DDR1: variants seen among roughly 807,000 people sequenced by gnomAD.
The protein encoded by DDR1 is discoidin domain receptor tyrosine kinase 1.
Under a neutral mutation model 97.4 loss-of-function variants are expected in DDR1, and 64 were observed. The ratio of observed to expected loss-of-function variants is 0.66; its 90% CI spans 0.54 to 0.81. DDR1 has a LOEUF of 0.81. Ranked by LOEUF, DDR1 falls within the 30% of genes least tolerant of loss-of-function variation. DDR1 has a pLI of 0.00. For missense variants in DDR1, 990 were observed against 1,259.6 expected (o/e 0.79, Z 3.24); for synonymous variants, 458 against 503.7 (o/e 0.91, Z 1.21).
At chr6:30,898,461 T>C (rs922531819) in intron 16 of DDR1, among the ~76,000 whole-genome samples, 154 bp downstream of exon 16, 1 of 152,092 alleles carries the variant, frequency 6.6e-6, no homozygotes, top group Non-Finnish European at 1.5e-5. Context: ...CCCAAGGGAC[T>C]GGGGAAAGCA....
chr6:30,888,565 A>T lies in DDR1; in HGVS notation c.-42-123A>T. On this transcript the variant is annotated intron_variant, in intron 1 of 17. Transcript: ENST00000376568. The surrounding 1 kb of genome is among the most constrained non-coding windows in gnomAD (Gnocchi z 4.2). ...TTCTAAAAATATAGCTGATGCTGTT[A>T]AACAATGACTGTTGTTGTTGTTTTA... is the stretch of plus-strand genomic sequence containing the variant. 1 of 1,140,828 alleles carries T rather than the reference A, an allele frequency of 8.8e-7. No individual in the cohort carries two copies. The highest frequency in any genetic ancestry group is 1.2e-6 in the Non-Finnish European group (1 of 818,110). The allele number at this position is 1,140,828 out of a possible 1,614,324, so 70.7% of individuals were successfully genotyped here. A position where few individuals can be genotyped will look rare whatever the true frequency, so the allele number is the denominator to read the frequency against.
chr6:30,898,979 T>C lies in DDR1; in HGVS notation c.2543T>C (p.Leu848Pro). The part of the protein sequence containing the change: ...MLCRAQPFGQ[L>P]TDEQVIENAG... ...TGTAGGGCCCAGCCCTTTGGGCAGC[T>C]CACCGACGAGCAGGTCATCGAGAAC... The change falls in exon 17 of 18, where the codon CTC becomes CCC. Residue 848 changes from leucine (L) to proline (P), a missense_variant. Leu to Pro is a moderately conservative substitution (Grantham distance 98). Transcript: ENST00000376568. 1 of 1,614,088 alleles carries C rather than the reference T, an allele frequency of 6.2e-7. No homozygotes were observed. Among genetic ancestry groups the C allele is most frequent in the South Asian group, 1.1e-5 (1 of 91,074 alleles).
At chr6:30,885,537 G>A in intron 1 of DDR1, 1 of 1,357,990 alleles carries the variant, frequency 7.4e-7, no homozygotes, top group Non-Finnish European at 9.7e-7. Flanking sequence ...GTTCTCTGGG[G>A]ATCCTGTGCC....
At position 30,888,719 on chromosome 6, in the gene DDR1, G is replaced by A; in HGVS notation, c.-11G>A. 1 of 1,612,734 alleles carries A rather than the reference G, an allele frequency of 6.2e-7. No individual in the cohort carries two copies. The highest frequency in any genetic ancestry group is 2.2e-5 in the East Asian group (1 of 44,874). ...TGCCCCCACCCCCTTAGGCCCGAGG[G>A]ATCAGGAGCTATGGGACCAGAGGCC... On this transcript the variant is annotated 5_prime_UTR_variant, in exon 2 of 18. Transcript: ENST00000376568. This position sits in a 1 kb window ranked among gnomAD's most constrained non-coding sequence, Gnocchi z 4.2.
At chr6:30,895,355 C>A in intron 11 of DDR1, 49 bp from the exon 12 acceptor site, 1 of 1,450,320 alleles carries the variant, frequency 6.9e-7, no homozygotes, top group Non-Finnish European at 9.6e-7. Flanking sequence ...TCTGTCTAGC[C>A]TTGAGTCTCA....
In DDR1 at chr6:30,900,092, C is replaced by G. The variant is rs764207346; in HGVS notation, c.*796C>G. ...CAGATTTTTACACTAATATATGGAC[C>G]TAGCTTGAGGCAATTTTAATCCCCT... is the stretch of plus-strand genomic sequence containing the variant. On this transcript the variant is annotated 3_prime_UTR_variant, in exon 18 of 18. Transcript: ENST00000376568. 1.5e-4 allele frequency: 91 copies of G among 596,302 alleles called. No homozygotes were observed. Among genetic ancestry groups the G allele is most frequent in the Non-Finnish European group, 2.7e-4 (82 of 307,776 alleles). 36.9% of individuals were successfully genotyped at this position (596,302 alleles called of 1,614,324 possible). A position where few individuals can be genotyped will look rare whatever the true frequency, so the allele number is the denominator to read the frequency against.
upstream of DDR1, chr6:30,883,441 C>G (rs1784636458): frequency 6.5e-6 from 1 of 152,778 alleles, no homozygotes; most frequent in African/African-American, 2.4e-5. This position sits in a 1 kb window ranked among gnomAD's most constrained non-coding sequence, Gnocchi z 4.9. Context: ...CCCAGTAGCT[C>G]TCTCAGTTGC....
At position 30,890,636 on chromosome 6, in the gene DDR1, C is replaced by A; in HGVS notation, c.418-337C>A. The A allele has an allele frequency of 3.6e-6, 1 of 279,894 alleles. No homozygotes were observed. The highest frequency in any genetic ancestry group is 6.6e-6 in the Non-Finnish European group (1 of 151,644). The allele number at this position is 279,894 out of a possible 1,614,324, so 17.3% of individuals were successfully genotyped here. On this transcript the variant is annotated intron_variant, in intron 4 of 17. Coordinates refer to ENST00000376568, the MANE Select transcript of DDR1 (RefSeq NM_001297654.2). The surrounding 1 kb of genome is among the most constrained non-coding windows in gnomAD (Gnocchi z 5.0). ...GGAATGGGCTGAAATGAAGGGGAAG[C>A]TGAGGCAGGGGTGCAGGGCTGTGAG...
At position 30,884,909 on chromosome 6, in the gene DDR1, T is replaced by C; in HGVS notation, c.-43+199T>C. ...CTGAAAACCGGGGGCGGGGACTGGG[T>C]GGAGGTGAAGCCCGTGACCTCCCAG... On this transcript the variant is annotated intron_variant, in intron 1 of 17. Transcript: ENST00000376568. This position sits in a 1 kb window ranked among gnomAD's most constrained non-coding sequence, Gnocchi z 6.1. 2.5e-6 allele frequency: 1 copy of C among 399,180 alleles called. No individual in the cohort carries two copies. The highest frequency in any genetic ancestry group is 4.5e-6 in the Non-Finnish European group (1 of 222,620). The allele number at this position is 399,180 out of a possible 1,614,324, so 24.7% of individuals were successfully genotyped here.
At chr6:30,883,549 G>A, upstream of DDR1, 1 of 153,824 alleles carries the variant, frequency 6.5e-6, no homozygotes, top group Non-Finnish European at 1.4e-5. The surrounding 1 kb of genome is among the most constrained non-coding windows in gnomAD (Gnocchi z 4.9). Context: ...TCCTTCTCCT[G>A]CTCCTCTTCT....
Position 30,889,275 on chromosome 6 carries a change from C to G in DDR1, c.262C>G (p.Gln88Glu), listed in dbSNP as rs1787079670. ...SVFPKEEEYL[Q>E]VDLQRLHLVA... ...GTTTCCCAAGGAGGAGGAGTACTTG[C>G]AGGTGGATCTACAACGACTGCACCT... Residue 88 changes from glutamine (Q) to glutamate (E), a missense_variant, in exon 4 of 18, where the codon CAG (glutamine) becomes GAG (glutamate). Coordinates refer to ENST00000376568, the MANE Select transcript of DDR1 (RefSeq NM_001297654.2). The surrounding 1 kb of genome is among the most constrained non-coding windows in gnomAD (Gnocchi z 4.9). 1 of 1,612,888 alleles carries G rather than the reference C, an allele frequency of 6.2e-7. No homozygotes were observed. The highest frequency in any genetic ancestry group is 8.5e-7 in the Non-Finnish European group (1 of 1,180,010).
At position 30,894,804 on chromosome 6, in the gene DDR1, G is replaced by C; in HGVS notation, c.1513+133G>C. 2 of 1,004,790 alleles carry C rather than the reference G, an allele frequency of 2.0e-6. No homozygotes were observed. The highest frequency in any genetic ancestry group is 1.8e-5 in the South Asian group (1 of 55,944). The allele number at this position is 1,004,790 out of a possible 1,614,324, so 62.2% of individuals were successfully genotyped here. On this transcript the variant is annotated intron_variant, in intron 11 of 17. Coordinates refer to ENST00000376568, the MANE Select transcript of DDR1 (RefSeq NM_001297654.2). This position sits in a 1 kb window ranked among gnomAD's most constrained non-coding sequence, Gnocchi z 5.7. The stretch of plus-strand genomic sequence containing the variant: ...TCTTCTTTCTGTGCCCCTGGTTACT[G>C]TCTATATCACTCTTTGTCCCTACCA...
At chr6:30,892,857 C>T in intron 8 of DDR1, 1 of 596,548 alleles carries the variant, frequency 1.7e-6, no homozygotes, top group Non-Finnish European at 2.9e-6. Context: ...GATACCTGTC[C>T]TCCACCTCCC....
rs369820918 is a variant in DDR1, at chr6:30,899,644, T to C, written c.*348T>C. The C allele has an allele frequency of 2.7e-3, 1,062 of 395,058 alleles. 23 individuals carry two copies. The South Asian group carries it at 0.033, about 12-fold the overall frequency. The allele number at this position is 395,058 out of a possible 1,614,324, so 24.5% of individuals were successfully genotyped here. Reference sequence around the variant, plus strand: ...ACTGGACATGGCCCATTGGAGCACCTGGGCCCCACTGGACAACACTGATTC... The same window carrying C: ...ACTGGACATGGCCCATTGGAGCACCCGGGCCCCACTGGACAACACTGATTC... On this transcript the variant is annotated 3_prime_UTR_variant, in exon 18 of 18. Coordinates refer to ENST00000376568, the MANE Select transcript of DDR1 (RefSeq NM_001297654.2).
intron 1 of DDR1, chr6:30,885,738 G>C: frequency 7.7e-7 from 1 of 1,295,460 alleles, no homozygotes; most frequent in Non-Finnish European, 1.0e-6. Flanking sequence ...CAGAAACTCT[G>C]TGAGGGTTGT....
At position 30,888,903 on chromosome 6, in the gene DDR1, C is replaced by A. The variant is rs2150286943; in HGVS notation, c.86-5C>A. The stretch of plus-strand genomic sequence containing the variant: ...TGACCTGTTACATGCCTGCTTTTTA[C>A]TCAGCCAAGTGCCGCTATGCCCTGG... On this transcript the variant is annotated splice_region_variant and splice_polypyrimidine_tract_variant and intron_variant, in intron 2 of 17. Coordinates refer to ENST00000376568, the MANE Select transcript of DDR1 (RefSeq NM_001297654.2). This position sits in a 1 kb window ranked among gnomAD's most constrained non-coding sequence, Gnocchi z 4.2. 1 of 1,613,020 alleles carries A rather than the reference C, an allele frequency of 6.2e-7. No individual in the cohort carries two copies. The highest frequency in any genetic ancestry group is 8.5e-7 in the Non-Finnish European group (1 of 1,180,006).
chr6:30,888,630 G>C lies in DDR1; in HGVS notation c.-42-58G>C. The C allele has an allele frequency of 6.5e-7, 1 of 1,543,372 alleles. No homozygotes were observed. The highest frequency in any genetic ancestry group is 2.0e-5 in the Admixed American group (1 of 49,248). ...AAAGCGGCCCATTCTGTCTGTTGCT[G>C]TCAGCTATGACTCAGTCCCCTGATT... On this transcript the variant is annotated intron_variant, in intron 1 of 17. Transcript: ENST00000376568. The surrounding 1 kb of genome is among the most constrained non-coding windows in gnomAD (Gnocchi z 4.2).
rs2150374916 is a variant in DDR1, at chr6:30,893,413, T to C, written c.1337T>C (p.Leu446Pro). ...LMLWRLHWRRLLSKAERRVLE... is the reference protein window; with the variant it reads ...LMLWRLHWRRPLSKAERRVLE... ...CTCTGGCGGCTGCACTGGCGCAGGCTCCTCAGCAAGGTGGGCACAGCCGTG... is the reference window on the plus strand; with the variant it reads ...CTCTGGCGGCTGCACTGGCGCAGGCCCCTCAGCAAGGTGGGCACAGCCGTG... The change falls in exon 10 of 18, where the codon CTC becomes CCC. Residue 446 changes from leucine to proline, a missense_variant. Physicochemically the swap from Leu to Pro is moderately conservative, Grantham distance 98. Coordinates refer to ENST00000376568, the MANE Select transcript of DDR1 (RefSeq NM_001297654.2). 6.2e-7 allele frequency: 1 copy of C among 1,603,846 alleles called. No homozygotes were observed. Among genetic ancestry groups the C allele is most frequent in the South Asian group, 1.1e-5 (1 of 90,852 alleles).
At chr6:30,898,853 C>T (rs765980017) in intron 16 of DDR1, 35 bp from the exon 17 acceptor site, 1 of 1,588,192 alleles carries the variant, frequency 6.3e-7, no homozygotes, top group Non-Finnish European at 8.6e-7. Flanking sequence ...TGCCTGATGT[C>T]CCTGTCTGTT....
Sources: gnomAD v4.1 joint callset for allele counts (sites outside exome capture counted in the v4.1 genomes callset) on GRCh38, gnomAD v4.1.1 for gene constraint, Gnocchi (gnomAD v3.1) non-coding constraint, MANE v1.5 for transcripts, NCBI Gene and HGNC (gene_info 2026-07-23, HGNC 2026-07-21) for gene names.